Variants in XPO5 observed in about 807,000 individuals in gnomAD.
XPO5 encodes the protein exportin-5.
XPO5 carries 46 observed loss-of-function variants against 160.6 expected under a neutral mutation model. The observed-to-expected ratio is 0.29, with a 90% CI of 0.23 to 0.37. The LOEUF (loss-of-function observed/expected upper bound fraction) is 0.37, where lower values mean the gene tolerates loss of function less well. Ranked by LOEUF, XPO5 falls within the 10% of genes least tolerant of loss-of-function variation. The pLI is 1.00. For synonymous variants in XPO5, 537 were observed against 519.3 expected (o/e 1.03, Z -0.46); for missense variants, 1,090 against 1,463.9 (o/e 0.74, Z 4.17).
In XPO5 at chr6:43,553,359, A is replaced by G; in HGVS notation, c.1572+14T>C. On this transcript the variant is annotated intron_variant, in intron 14 of 31. Transcript: ENST00000265351. ...AAAATAATCATGCAGTCAGCATGGG[A>G]AATAATTACTTACTTCTCTATTTAG... The G allele has an allele frequency of 6.2e-7, 1 of 1,603,232 alleles. No individual in the cohort carries two copies. The highest frequency in any genetic ancestry group is 8.5e-7 in the Non-Finnish European group (1 of 1,174,748).
In XPO5 at chr6:43,567,206, C is replaced by A. The variant is rs763869190; in HGVS notation, c.797G>T (p.Gly266Val). Reference sequence around the variant, plus strand: ...TGCAATGAGAAGACACTCAGCGGCTCCCAACTGAAGTTCCTGTTCATTCAA... The same window carrying A: ...TGCAATGAGAAGACACTCAGCGGCTACCAACTGAAGTTCCTGTTCATTCAA... ...LLLNEQELQLGAAECLLIAVS... is the reference protein window; with the variant it reads ...LLLNEQELQLVAAECLLIAVS... Residue 266 changes from glycine (G) to valine (V), a missense_variant, in exon 7 of 32, where the codon GGA (glycine) becomes GTA (valine). By Grantham distance (109) the Gly-to-Val change is moderately radical. Coordinates refer to ENST00000265351, the MANE Select transcript of XPO5 (RefSeq NM_020750.3). 2 of 1,613,608 alleles carry A rather than the reference C, an allele frequency of 1.2e-6. No homozygotes were observed. Among genetic ancestry groups the A allele is most frequent in the South Asian group, 2.2e-5 (2 of 90,996 alleles).
chr6:43,549,713 CATTT>C, intron 16 of XPO5, 135 bp from the exon 17 acceptor site: 1 of 1,220,960 alleles, frequency 8.2e-7, no homozygotes, highest in East Asian at 2.5e-5. Flanking sequence ...AATGGAGTAA[CATTT>C]ATAGCCACCA....
At chr6:43,524,069 G>A (rs972330956) in intron 31 of XPO5, 64 bp from the exon 32 acceptor site, 2 of 1,573,554 alleles carry the variant, frequency 1.3e-6, no homozygotes. Flanking sequence ...AGATTCTCTT[G>A]GCCCGGCGCA....
rs1183223774 is a variant in XPO5, at chr6:43,523,295, G to C, written c.*573C>G. 1.3e-5 allele frequency: 3 copies of C among 231,724 alleles called. No individual in the cohort carries two copies. Among genetic ancestry groups the C allele is most frequent in the Middle Eastern group, 3.4e-3 (2 of 588 alleles). The allele number at this position is 231,724 out of a possible 1,614,324, so 14.4% of individuals were successfully genotyped here. The stretch of plus-strand genomic sequence containing the variant: ...TACCATGGATCCCATCAGGTGACCA[G>C]ATTCTTGCCCAAAGCAAAGTTGAGA... On this transcript the variant is annotated 3_prime_UTR_variant, in exon 32 of 32. Transcript: ENST00000265351.
rs1582244730 is a variant in XPO5, at chr6:43,567,291, C to T, written c.712G>A (p.Val238Met). 2 of 1,613,952 alleles carry T rather than the reference C, an allele frequency of 1.2e-6. No homozygotes were observed. The highest frequency in any genetic ancestry group is 1.1e-5 in the South Asian group (1 of 91,056). The change falls in exon 7 of 32, where the codon GTG (valine) becomes ATG (methionine). Residue 238 changes from valine to methionine, a missense_variant. By Grantham distance (21) the Val-to-Met change is conservative. Transcript: ENST00000265351. ...LNTLAGYIDW[V>M]SMSHITAENC... is the part of the protein sequence containing the mutation. The stretch of plus-strand genomic sequence containing the variant: ...TCAGCAGTGATGTGACTCATAGACA[C>T]CCAGTCAATATAGCCTGCTAGAGTA...
At position 43,575,775 on chromosome 6, in the gene XPO5, C is replaced by T. The variant is rs1763287864; in HGVS notation, c.90G>A (p.Arg30=). The T allele has an allele frequency of 1.2e-6, 2 of 1,613,438 alleles. No individual in the cohort carries two copies. The highest frequency in any genetic ancestry group is 1.7e-6 in the Non-Finnish European group (2 of 1,179,554). The part of the protein sequence containing the change: ...MMDPNSTQRY[R]LEALKFCEEF... ...CCCCAGCTACCTTGAGGGCTTCCAG[C>T]CGGTAGCGCTGGGTGGAGTTGGGGT... Residue 30 remains arginine, a synonymous_variant, in exon 1 of 32, where the codon CGG becomes CGA. Coordinates refer to ENST00000265351, the MANE Select transcript of XPO5 (RefSeq NM_020750.3).
chr6:43,549,833 A>C, intron 16 of XPO5, 60 bp downstream of exon 16: 2 of 1,494,092 alleles, frequency 1.3e-6, no homozygotes, highest in Non-Finnish European at 1.8e-6. Flanking sequence ...ACTGAGTATC[A>C]GGTATTCATA....
chr6:43,575,364 A>G (rs1026983412), intron 1 of XPO5, among the ~76,000 whole-genome samples: 53 of 151,520 alleles, frequency 3.5e-4, no homozygotes, highest in Non-Finnish European at 6.9e-4. Flanking sequence ...GAGAGACCAT[A>G]AAGAACGAAG....
intron 23 of XPO5, chr6:43,529,157 A>G: frequency 7.1e-7 from 1 of 1,416,434 alleles, no homozygotes; most frequent in South Asian, 1.2e-5. Flanking sequence ...GCTGCACATT[A>G]TGGTCACTGG....
rs918144950 is a variant in XPO5, at chr6:43,565,437, C to T, written c.911+223G>A. ...GAAAAATTAGCCAGGCATGGTGGTG[C>T]GCCTGTAATCCCAGCTACTCGGGAG... On this transcript the variant is annotated intron_variant, in intron 8 of 31. Transcript: ENST00000265351. Among the ~76,000 whole-genome samples, 52 of 151,790 alleles carry T rather than the reference C, an allele frequency of 3.4e-4. 1 individual carries two copies. The highest frequency in any genetic ancestry group is 1.1e-3 in the African/African-American group (46 of 41,430).
intron 1 of XPO5, 145 bp from the exon 2 acceptor site, chr6:43,573,746 CTT>C: frequency 1.0e-6 from 1 of 956,150 alleles, no homozygotes. Flanking sequence ...GGGTGGACTA[CTT>C]GAGTCTAGGA....
intron 28 of XPO5, 78 bp downstream of exon 28, chr6:43,525,761 C>T (rs942520963): frequency 4.8e-6 from 7 of 1,456,388 alleles, no homozygotes; most frequent in Non-Finnish European, 5.6e-6. Flanking sequence ...CTCTTGATAG[C>T]ACCATAGAGC....
Position 43,525,855 on chromosome 6 carries a change from C to T in XPO5, c.3050G>A (p.Cys1017Tyr). 6.2e-7 allele frequency: 1 copy of T among 1,614,056 alleles called. No individual in the cohort carries two copies. The highest frequency in any genetic ancestry group is 8.5e-7 in the Non-Finnish European group (1 of 1,179,900). Residue 1017 changes from cysteine (C) to tyrosine (Y), a missense_variant, in exon 28 of 32, where the codon TGT (cysteine) becomes TAT (tyrosine). By Grantham distance (194) the Cys-to-Tyr change is radical. Coordinates refer to ENST00000265351, the MANE Select transcript of XPO5 (RefSeq NM_020750.3). ...TCTACCCACCTCATGCTTCATCAGACATTTGCCCAGGTCTGTAAGCTCTGC... is the reference window on the plus strand; with the variant it reads ...TCTACCCACCTCATGCTTCATCAGATATTTGCCCAGGTCTGTAAGCTCTGC... ...AMAELTDLGKCLMKHEDVCTA... is the reference protein window; with the variant it reads ...AMAELTDLGKYLMKHEDVCTA...
In XPO5 at chr6:43,534,003, G is replaced by A. The variant is rs367681038; in HGVS notation, c.2347C>T (p.His783Tyr). The change falls in exon 21 of 32, where the codon CAC (histidine) becomes TAC (tyrosine). Residue 783 changes from histidine to tyrosine, a missense_variant. Transcript: ENST00000265351. ...LDNLLALIRT[H>Y]NTLYAPEMLA... ...ATTTCTGGTGCATATAATGTATTGT[G>A]GGTTCTGAAAGAAACAAGAATGCTA... 48 of 1,597,950 alleles carry A rather than the reference G, an allele frequency of 3.0e-5. No homozygotes were observed. In the African/African-American group the frequency reaches 5.1e-4, roughly 17 times the overall value.
chr6:43,550,783 G>A (rs1427400880), intron 15 of XPO5, among the ~76,000 whole-genome samples: 1 of 152,038 alleles, frequency 6.6e-6, no homozygotes. Context: ...TTGTGATCTG[G>A]TATTCTGACT....
intron 1 of XPO5, among the ~76,000 whole-genome samples, chr6:43,575,533 G>A (rs1287006113): frequency 2.0e-5 from 3 of 152,228 alleles, no homozygotes; most frequent in Admixed American, 2.0e-4. Context: ...GAGATGAGAA[G>A]CAGCATAGGG....
At chr6:43,568,446 T>C (rs1762816451) in intron 6 of XPO5, among the ~76,000 whole-genome samples, 1 of 151,298 alleles carries the variant, frequency 6.6e-6, no homozygotes, top group Non-Finnish European at 1.5e-5. Flanking sequence ...ACCCTGTTTC[T>C]ATAGAAAGTA....
chr6:43,574,392 T>C (rs957533759), intron 1 of XPO5, among the ~76,000 whole-genome samples: 3 of 150,518 alleles, frequency 2.0e-5, no homozygotes, highest in Non-Finnish European at 4.4e-5. Flanking sequence ...GCTTTAAAAA[T>C]ATATATTTAA....
rs924200278 is a variant in XPO5, at chr6:43,530,727, A to C, written c.2638T>G (p.Leu880Val). Residue 880 changes from leucine (L) to valine (V), a missense_variant, in exon 23 of 32, where the codon TTG (leucine) becomes GTG (valine). Leu to Val is a conservative substitution (Grantham distance 32, BLOSUM62 1). Around this residue, in one of 3 missense-constraint regions of XPO5, gnomAD observed 810 missense variants for 1,139.0 expected, o/e 0.71. Transcript: ENST00000265351. ...TQLLSSAFVN[L>V]NNIPDYRLRP... ...AGTCGGTAGTCAGGAATATTGTTCAAGTTGACAAAGGCTGAGCTGAGAAGC... is the reference window on the plus strand; with the variant it reads ...AGTCGGTAGTCAGGAATATTGTTCACGTTGACAAAGGCTGAGCTGAGAAGC... 6 of 1,613,988 alleles carry C rather than the reference A, an allele frequency of 3.7e-6. No homozygotes were observed. The highest frequency in any genetic ancestry group is 4.2e-6 in the Non-Finnish European group (5 of 1,179,900).
Sources: gnomAD v4.1 joint callset for allele counts (sites outside exome capture counted in the v4.1 genomes callset) on GRCh38, gnomAD v4.1.1 for gene constraint, gnomAD v4.1.1 regional missense constraint, MANE v1.5 for transcripts, NCBI Gene and HGNC (gene_info 2026-07-23, HGNC 2026-07-21) for gene names.